Variants in TMEM132B observed in about 807,000 individuals in gnomAD.
TMEM132B encodes the protein transmembrane protein 132B.
In TMEM132B, 18 loss-of-function variants were observed where a neutral mutation model predicts 90.8. The observed-to-expected ratio is 0.20, with a 90% CI of 0.14 to 0.29. TMEM132B has a LOEUF of 0.29. Among genes scored for constraint, TMEM132B ranks in the 10% least tolerant of loss-of-function variants. TMEM132B has a pLI of 1.00. For synonymous variants in TMEM132B, 504 were observed against 523.3 expected, an observed-to-expected ratio of 0.96 and a Z score of 0.50; for missense variants, 1,096 against 1,326.8, an observed-to-expected ratio of 0.83 and a Z score of 2.70.
At chr12:125,506,725 A>G (rs377532913) in intron 3 of TMEM132B, among the ~76,000 whole-genome samples, 1 of 152,256 alleles carries the variant, frequency 6.6e-6, no homozygotes, top group Non-Finnish European at 1.5e-5. Flanking sequence ...TGACATCAAC[A>G]TGATGAACAT....
rs377718479 is a variant in TMEM132B at position 125,432,263 on chromosome 12, T to C, written c.1106+16586T>C. On this transcript the variant is annotated intron_variant, in intron 3 of 8. Coordinates refer to ENST00000682704, the MANE Select transcript of TMEM132B (RefSeq NM_001366854.1). ...AGGTGCATCTATCGTTTTATTTTAA[T>C]TGGAACATAACCACTGTAATCACAC... Among the ~76,000 whole-genome samples the C allele has an allele frequency of 9.3e-5, 14 of 150,554 alleles. No homozygotes were observed. The South Asian group carries it at 2.3e-3, about 25-fold the overall frequency.
chr12:125,617,113 T>C (rs1334365783), intron 5 of TMEM132B, among the ~76,000 whole-genome samples: 3 of 152,232 alleles, frequency 2.0e-5, no homozygotes, highest in Non-Finnish European at 4.4e-5. Flanking sequence ...TTCATGTTTG[T>C]GATTTTTCAT....
At chr12:125,286,327 G>T (rs150441256) in intron 1 of TMEM132B, among the ~76,000 whole-genome samples, 3 of 152,290 alleles carry the variant, frequency 2.0e-5, no homozygotes, top group African/African-American at 7.2e-5. Flanking sequence ...ACAGAACTAA[G>T]CCCTGCTGCT....
intron 4 of TMEM132B, among the ~76,000 whole-genome samples, chr12:125,553,639 G>A (rs900452353): frequency 6.6e-6 from 1 of 152,206 alleles, no homozygotes; most frequent in African/African-American, 2.4e-5. Flanking sequence ...AGTTTACATA[G>A]TGCATGAGCT....
chr12:125,333,576 G>C (rs776126815), intron 1 of TMEM132B, among the ~76,000 whole-genome samples: 3 of 152,188 alleles, frequency 2.0e-5, no homozygotes, highest in Non-Finnish European at 4.4e-5. Context: ...GCAGGCAGGG[G>C]ATATATGTGA....
chr12:125,528,978 C>T (rs1348980256), intron 4 of TMEM132B, among the ~76,000 whole-genome samples: 1 of 134,286 alleles, frequency 7.4e-6, no homozygotes, highest in Non-Finnish European at 1.6e-5. Flanking sequence ...TTTCTTTCTT[C>T]CTCCCCCTCC....
chr12:125,274,052 C>T (rs1316924500), intron 1 of TMEM132B, among the ~76,000 whole-genome samples: 3 of 152,142 alleles, frequency 2.0e-5, no homozygotes, highest in African/African-American at 2.4e-5. Context: ...ATTCTGTGTT[C>T]GTCATTCCTT....
chr12:125,217,977 T>C (rs1215988191), intron 1 of TMEM132B, among the ~76,000 whole-genome samples: 4 of 152,190 alleles, frequency 2.6e-5, no homozygotes, highest in African/African-American at 9.7e-5. Context: ...CAGGGAAATA[T>C]TTTGCAGCTG....
intron 1 of TMEM132B, among the ~76,000 whole-genome samples, chr12:125,245,070 T>C (rs777366085): frequency 1.3e-5 from 2 of 152,176 alleles, no homozygotes; most frequent in Non-Finnish European, 1.5e-5. Flanking sequence ...ACGAGAGCAA[T>C]TCTGAATTAC....
intron 3 of TMEM132B, among the ~76,000 whole-genome samples, chr12:125,463,476 C>T (rs1881490573): frequency 1.3e-5 from 2 of 152,186 alleles, no homozygotes. Context: ...TTTATAAAAT[C>T]AATTTTATTT....
rs12317977 is a variant in TMEM132B, at chr12:125,264,424, C to T, written c.67+77558C>T. ...CACTCTACTAAGCTTTTGAGGGTCC[C>T]GGGAAGTCAGAAAAGGTAGGGTGTT... On this transcript the variant is annotated intron_variant, in intron 1 of 8. Coordinates refer to ENST00000682704, the MANE Select transcript of TMEM132B (RefSeq NM_001366854.1). Among the ~76,000 whole-genome samples, 158 of 152,242 alleles carry T rather than the reference C, an allele frequency of 1.0e-3. 2 individuals are homozygous for T. In the East Asian group the frequency reaches 0.015, roughly 15 times the overall value.
At chr12:125,293,373 G>A (rs2136149753) in intron 1 of TMEM132B, among the ~76,000 whole-genome samples, 1 of 152,286 alleles carries the variant, frequency 6.6e-6, no homozygotes, top group Non-Finnish European at 1.5e-5. Context: ...TGATGCTGAG[G>A]TTTGGAGTAC....
intron 1 of TMEM132B, among the ~76,000 whole-genome samples, chr12:125,237,257 G>C (rs577961001): frequency 9.2e-5 from 14 of 152,176 alleles, no homozygotes; most frequent in Admixed American, 5.9e-4. Flanking sequence ...CCTCCAGGGG[G>C]CACCAAGGGG....
At chr12:125,392,594 AG>A (rs1454748520) in intron 2 of TMEM132B, among the ~76,000 whole-genome samples, 1 of 152,176 alleles carries the variant, frequency 6.6e-6, no homozygotes, top group African/African-American at 2.4e-5. Context: ...GTACTTTCAA[AG>A]GGACCTCAGT....
chr12:125,524,392 C>A (rs1883390589), intron 4 of TMEM132B, among the ~76,000 whole-genome samples: 1 of 152,176 alleles, frequency 6.6e-6, no homozygotes, highest in Non-Finnish European at 1.5e-5. Context: ...ATTATGATTA[C>A]CTTCGAGGTA....
At chr12:125,350,395 A>G (rs753231577) in intron 2 of TMEM132B, 52 bp downstream of exon 2, 16 of 1,527,386 alleles carry the variant, frequency 1.0e-5, no homozygotes, top group South Asian at 3.8e-5. Context: ...TTAGTAATCA[A>G]TGAATTGTCA....
At chr12:125,527,484 C>G (rs1031850101) in intron 4 of TMEM132B, among the ~76,000 whole-genome samples, 3 of 149,322 alleles carry the variant, frequency 2.0e-5, no homozygotes, top group Non-Finnish European at 4.5e-5. Flanking sequence ...ACCCATCCAC[C>G]CTTCCAACCA....
At chr12:125,314,343 G>A (rs1047403066) in intron 1 of TMEM132B, among the ~76,000 whole-genome samples, 18 of 152,198 alleles carry the variant, frequency 1.2e-4, no homozygotes, top group Non-Finnish European at 2.5e-4. Context: ...AGGTTTTGCC[G>A]AGATTCGGTA....
intron 1 of TMEM132B, among the ~76,000 whole-genome samples, chr12:125,238,352 C>CA (rs752083934): frequency 0.08 from 3,477 of 43,270 alleles, 96 homozygotes; most frequent in African/African-American, 0.11. Context: ...GACTCCGTCT[C>CA]AAAAAAAAAA....
Sources: gnomAD v4.1 joint callset for allele counts (sites outside exome capture counted in the v4.1 genomes callset) on GRCh38, gnomAD v4.1.1 for gene constraint, MANE v1.5 for transcripts, NCBI Gene and HGNC (gene_info 2026-07-23, HGNC 2026-07-21) for gene names.